CNOT6: variants seen among roughly 807,000 people sequenced by gnomAD.
CNOT6 encodes the protein CCR4-NOT transcription complex subunit 6, also known as carbon catabolite repression 4 protein.
A neutral mutation model predicts 61.2 loss-of-function variants in CNOT6; 12 were observed. The observed-to-expected ratio is 0.20, with a 90% confidence interval of 0.13 to 0.32. The LOEUF (loss-of-function observed/expected upper bound fraction) is 0.32. Ranked by LOEUF, CNOT6 falls within the 10% of genes least tolerant of loss-of-function variation. The probability of loss-of-function intolerance (pLI) is 1.00; values close to 1 mark genes in which losing one functional copy is unlikely to be tolerated. For synonymous variants in CNOT6, 225 were observed against 240.6 expected, an observed-to-expected ratio of 0.94 and a Z score of 0.60; for missense variants, 405 against 663.9, an observed-to-expected ratio of 0.61 and a Z score of 4.28.
intron 1 of CNOT6, among the ~76,000 whole-genome samples, chr5:180,521,748 G>A (rs11949971): frequency 0.46 from 69,975 of 151,862 alleles, 17,260 homozygotes; most frequent in Non-Finnish European, 0.56. Context: ...TCCCATGTTT[G>A]TGTCCATATG....
At chr5:180,549,777 C>T (rs977272871) in intron 2 of CNOT6, among the ~76,000 whole-genome samples, 154 bp from the exon 3 acceptor site, 4 of 152,126 alleles carry the variant, frequency 2.6e-5, no homozygotes, top group Non-Finnish European at 4.4e-5. Context: ...AGCAATGAAT[C>T]GTAGAATAGG....
In CNOT6 at chr5:180,552,483, T is replaced by C. The variant is rs542624439; in HGVS notation, c.300-903T>C. ...GGTGAAACCCCGTCTCTACTAAAAATACAAAAAAAAAAATTAGCTGGGTGT... is the reference window on the plus strand; with the variant it reads ...GGTGAAACCCCGTCTCTACTAAAAACACAAAAAAAAAAATTAGCTGGGTGT... On this transcript the variant is annotated intron_variant, in intron 3 of 11. Coordinates refer to ENST00000261951, the MANE Select transcript of CNOT6 (RefSeq NM_001370472.1). 4.6e-4 allele frequency among the ~76,000 whole-genome samples: 68 copies of C among 149,140 alleles called. 1 individual carries two copies. In the South Asian group the frequency reaches 0.014, roughly 31 times the overall value.
rs1042015235 is a variant in CNOT6, at chr5:180,502,078, AGAG to A, written c.-3+7319_-3+7321del. On this transcript the variant is annotated intron_variant, in intron 1 of 11. Coordinates refer to ENST00000261951, the MANE Select transcript of CNOT6 (RefSeq NM_001370472.1). ...GAAGGAAAGAAGGGTAATAGTTTAAAGAGGAGACAGGGTCGAGAGAAGGTAGGC... is the reference window on the plus strand; with the variant it reads ...GAAGGAAAGAAGGGTAATAGTTTAAAGAGACAGGGTCGAGAGAAGGTAGGC... 1.8e-4 allele frequency among the ~76,000 whole-genome samples: 28 copies of A among 152,350 alleles called. 1 individual carries two copies. Among genetic ancestry groups the A allele is most frequent in the Admixed American group, 1.7e-3 (26 of 15,294 alleles).
At chr5:180,569,658 C>T (rs187729247) in intron 10 of CNOT6, among the ~76,000 whole-genome samples, 3 of 152,278 alleles carry the variant, frequency 2.0e-5, no homozygotes, top group African/African-American at 7.2e-5. Flanking sequence ...AAGACAGCCT[C>T]TTTGGGATTC....
At chr5:180,541,734 G>A (rs1319465147) in intron 2 of CNOT6, among the ~76,000 whole-genome samples, 2 of 151,508 alleles carry the variant, frequency 1.3e-5, no homozygotes, top group African/African-American at 4.8e-5. Flanking sequence ...TTACAGGCGT[G>A]AGCCACCATG....
At chr5:180,563,549 G>A (rs1286745085) in intron 4 of CNOT6, among the ~76,000 whole-genome samples, 1 of 152,108 alleles carries the variant, frequency 6.6e-6, no homozygotes, top group Admixed American at 6.5e-5. Context: ...TTTGAGTCCA[G>A]TCTTTTATGA....
chr5:180,567,036 T>C (rs918657622), intron 7 of CNOT6, 52 bp from the exon 8 acceptor site: 27 of 1,511,500 alleles, frequency 1.8e-5, no homozygotes, highest in Non-Finnish European at 2.3e-5. Flanking sequence ...GAAGTTAATA[T>C]GCAGACTAAT....
chr5:180,501,862 C>T (rs1396108134), intron 1 of CNOT6, among the ~76,000 whole-genome samples: 2 of 152,020 alleles, frequency 1.3e-5, no homozygotes, highest in Admixed American at 1.3e-4. Flanking sequence ...CATCATTGTG[C>T]CCAGGTTTAG....
intron 1 of CNOT6, among the ~76,000 whole-genome samples, chr5:180,523,498 C>A (rs1399415083): frequency 6.6e-6 from 1 of 152,146 alleles, no homozygotes; most frequent in Non-Finnish European, 1.5e-5. Context: ...AGACCAGAGG[C>A]TCTCCCCCTT....
chr5:180,545,338 A>G (rs1039418076), intron 2 of CNOT6, among the ~76,000 whole-genome samples: 2 of 152,090 alleles, frequency 1.3e-5, no homozygotes, highest in Non-Finnish European at 2.9e-5. Context: ...CCCTATTTCT[A>G]AGCAACCGCT....
rs1032516843 is a variant in CNOT6 at position 180,576,987 on chromosome 5, T to A, written c.*2787T>A. On this transcript the variant is annotated 3_prime_UTR_variant, in exon 12 of 12. Coordinates refer to ENST00000261951, the MANE Select transcript of CNOT6 (RefSeq NM_001370472.1). ...AGAAGTTTGAAGGCACCCAAATCCT[T>A]GTCGCCAATCTCCTGAAGTACAGCT... 1.2e-4 allele frequency: 19 copies of A among 152,680 alleles called. No individual in the cohort carries two copies. Among genetic ancestry groups the A allele is most frequent in the East Asian group, 9.6e-4 (5 of 5,192 alleles). The allele number at this position is 152,680 out of a possible 1,614,324, so 9.5% of individuals were successfully genotyped here. A position where few individuals can be genotyped will look rare whatever the true frequency, so the allele number is the denominator to read the frequency against.
intron 2 of CNOT6, 116 bp from the exon 3 acceptor site, chr5:180,549,815 A>C: frequency 1.3e-6 from 1 of 746,918 alleles, no homozygotes; most frequent in African/African-American, 1.7e-5. Flanking sequence ...CCCTTCTCAC[A>C]AGTTTTTGGA....
intron 1 of CNOT6, among the ~76,000 whole-genome samples, chr5:180,523,186 C>T (rs764039703): frequency 3.3e-5 from 5 of 152,086 alleles, no homozygotes; most frequent in Admixed American, 6.5e-5. Context: ...TGGTCACAAG[C>T]GTTTGTGTTA....
intron 6 of CNOT6, among the ~76,000 whole-genome samples, 184 bp from the exon 7 acceptor site, chr5:180,565,636 A>T (rs1308971350): frequency 6.6e-6 from 1 of 152,154 alleles, no homozygotes; most frequent in Non-Finnish European, 1.5e-5. Flanking sequence ...TTGTTCACTT[A>T]TCTATCCTGC....
At chr5:180,507,121 G>A (rs1757164691) in intron 1 of CNOT6, among the ~76,000 whole-genome samples, 1 of 152,160 alleles carries the variant, frequency 6.6e-6, no homozygotes, top group South Asian at 2.1e-4. Flanking sequence ...GCCTTTTGGT[G>A]TCTGGGGCGT....
At chr5:180,516,755 C>G (rs1019130993) in intron 1 of CNOT6, among the ~76,000 whole-genome samples, 1 of 152,186 alleles carries the variant, frequency 6.6e-6, no homozygotes, top group African/African-American at 2.4e-5. Context: ...TTCATTGCAT[C>G]TGATTATATT....
At chr5:180,523,154 T>C (rs1757949196) in intron 1 of CNOT6, among the ~76,000 whole-genome samples, 1 of 152,172 alleles carries the variant, frequency 6.6e-6, no homozygotes, top group African/African-American at 2.4e-5. Flanking sequence ...GCTTGGTGTG[T>C]GGGGAAAAAC....
intron 2 of CNOT6, among the ~76,000 whole-genome samples, chr5:180,547,419 C>G (rs1188730235): frequency 3.9e-5 from 6 of 151,970 alleles, no homozygotes; most frequent in Non-Finnish European, 5.9e-5. Flanking sequence ...ACCCAGGAGG[C>G]TGAGGCAGGA....
At chr5:180,545,875 C>T (rs1484362521) in intron 2 of CNOT6, among the ~76,000 whole-genome samples, 1 of 152,194 alleles carries the variant, frequency 6.6e-6, no homozygotes, top group Non-Finnish European at 1.5e-5. Flanking sequence ...GTATGTAGTG[C>T]TATCTCAGAG....
Sources: allele counts gnomAD v4.1 joint callset (sites outside exome capture counted in the v4.1 genomes callset), GRCh38; gene constraint gnomAD v4.1.1; transcripts MANE v1.5; gene names NCBI Gene and HGNC (gene_info 2026-07-23, HGNC 2026-07-21).